The following GART variants were observed in gnomAD, a reference collection of about 807,000 sequenced individuals.
GART encodes the protein phosphoribosylglycinamide formyltransferase, phosphoribosylglycinamide synthetase, phosphoribosylaminoimidazole synthetase.
In GART, 43 loss-of-function variants were observed where a neutral mutation model predicts 107.2. The ratio of observed to expected loss-of-function variants is 0.40; its 90% CI spans 0.31 to 0.52. The LOEUF is 0.52. Ranked by LOEUF, GART falls within the 20% of genes least tolerant of loss-of-function variation. GART has a pLI of 0.52. For synonymous variants in GART, 434 were observed against 427.0 expected, an observed-to-expected ratio of 1.02 and a Z score of -0.20; for missense variants, 1,107 against 1,206.5, an observed-to-expected ratio of 0.92 and a Z score of 1.22.
Position 33,506,027 on chromosome 21 carries a change from TG to T in GART, c.2529del (p.Asn843LysfsTer5). On this transcript the variant is annotated frameshift_variant, in exon 19 of 22. Coordinates refer to ENST00000381815, the MANE Select transcript of GART (RefSeq NM_000819.5). LOFTEE classifies it high-confidence loss of function. ...SSAQIDIVIS[N>X]KAAVAGLDKA... is the part of the protein sequence containing the mutation. The stretch of plus-strand genomic sequence containing the variant: ...TTATCTAACCCAGCTACTGCGGCTT[TG>T]TTGGAGATAACAATATCAATTTGTG... 6.2e-7 allele frequency: 1 copy of T among 1,614,246 alleles called. No individual in the cohort carries two copies. Among genetic ancestry groups the T allele is most frequent in the Non-Finnish European group, 8.5e-7 (1 of 1,180,038 alleles).
At chr21:33,539,423 T>A in intron 1 of GART, 67 bp from the exon 2 acceptor site, 2 of 1,256,430 alleles carry the variant, frequency 1.6e-6, no homozygotes, top group Non-Finnish European at 2.2e-6. Flanking sequence ...ACGGGCACAG[T>A]GGCTCATGCC....
At chr21:33,542,803 GCC>G, upstream of GART, 1 of 477,402 alleles carries the variant, frequency 2.1e-6, no homozygotes, top group South Asian at 2.5e-5. Flanking sequence ...GGACACGGTC[GCC>G]TCAAGAGAGA....
At chr21:33,531,144 T>C (rs1036867864) in intron 6 of GART, 1 of 387,134 alleles carries the variant, frequency 2.6e-6, no homozygotes, top group Non-Finnish European at 4.5e-6. Context: ...ATTTCAACCT[T>C]TCCCCCACTT....
intron 10 of GART, among the ~76,000 whole-genome samples, chr21:33,527,045 T>C (rs750283234): frequency 2.6e-5 from 4 of 152,210 alleles, no homozygotes; most frequent in Non-Finnish European, 2.9e-5. Flanking sequence ...TATACACTTG[T>C]TACTTCAATC....
chr21:33,509,709 CA>C, intron 18 of GART, 73 bp downstream of exon 18: 1 of 1,489,932 alleles, frequency 6.7e-7, no homozygotes, highest in Non-Finnish European at 9.2e-7. Context: ...AGTAACCTTA[CA>C]ATCTCACAAG....
At chr21:33,516,397 A>G (rs12626309) in intron 16 of GART, among the ~76,000 whole-genome samples, 1 of 152,008 alleles carries the variant, frequency 6.6e-6, no homozygotes, top group African/African-American at 2.4e-5. Context: ...TCTCTTGGCT[A>G]TAACTATTAC....
At chr21:33,536,708 C>T (rs2085311987) in intron 2 of GART, among the ~76,000 whole-genome samples, 1 of 152,140 alleles carries the variant, frequency 6.6e-6, no homozygotes, top group Non-Finnish European at 1.5e-5. Context: ...ACAGGGTTAC[C>T]TGAACACATG....
chr21:33,525,713 G>A (rs2085060655), intron 10 of GART, among the ~76,000 whole-genome samples: 1 of 152,066 alleles, frequency 6.6e-6, no homozygotes, highest in Non-Finnish European at 1.5e-5. Flanking sequence ...ATAGTAATTA[G>A]ACCTTTCTCC....
intron 20 of GART, among the ~76,000 whole-genome samples, chr21:33,505,193 C>T (rs895910864): frequency 2.0e-5 from 3 of 152,106 alleles, no homozygotes; most frequent in Non-Finnish European, 2.9e-5. Flanking sequence ...TTGGGATATA[C>T]GGAATCACTC....
At chr21:33,512,040 C>T (rs1162127794) in intron 16 of GART, among the ~76,000 whole-genome samples, 2 of 151,970 alleles carry the variant, frequency 1.3e-5, no homozygotes, top group East Asian at 3.9e-4. Context: ...AATCCCAACA[C>T]TTTGAGAGGC....
At chr21:33,526,748 G>A (rs564243396) in intron 10 of GART, among the ~76,000 whole-genome samples, 52 of 152,148 alleles carry the variant, frequency 3.4e-4, no homozygotes, top group Non-Finnish European at 6.9e-4. Context: ...CTCAGATACA[G>A]CTTTATAGTT....
At chr21:33,515,523 C>T (rs1471688501) in intron 16 of GART, among the ~76,000 whole-genome samples, 2 of 151,792 alleles carry the variant, frequency 1.3e-5, no homozygotes, top group African/African-American at 4.8e-5. Context: ...ACCTGTAGTC[C>T]CAGCTACTTG....
intron 11 of GART, among the ~76,000 whole-genome samples, chr21:33,523,361 C>T (rs1289088617): frequency 6.6e-6 from 1 of 152,218 alleles, no homozygotes; most frequent in Non-Finnish European, 1.5e-5. Flanking sequence ...AAAACCTTTT[C>T]TCCAGTAGCA....
intron 14 of GART, 99 bp from the exon 15 acceptor site, chr21:33,517,707 G>A: frequency 1.7e-6 from 2 of 1,157,612 alleles, no homozygotes; most frequent in Non-Finnish European, 1.2e-6. Flanking sequence ...CTAACACATG[G>A]CTATGTCCTG....
Position 33,517,615 on chromosome 21 carries a change from G to A in GART, c.1703-7C>T, listed in dbSNP as rs1569018199. On this transcript the variant is annotated splice_region_variant and splice_polypyrimidine_tract_variant and intron_variant, in intron 14 of 21. Coordinates refer to ENST00000381815, the MANE Select transcript of GART (RefSeq NM_000819.5). Reference sequence around the variant, plus strand: ...ATTTCTGCTGTTTCACCTCCTGGTGGGATAAGACAAGAACAAAGAAATCAG... The same window carrying A: ...ATTTCTGCTGTTTCACCTCCTGGTGAGATAAGACAAGAACAAAGAAATCAG... The A allele has an allele frequency of 4.3e-6, 7 of 1,613,896 alleles. No individual in the cohort carries two copies. The highest frequency in any genetic ancestry group is 5.9e-6 in the Non-Finnish European group (7 of 1,179,836).
chr21:33,514,902 C>G (rs771870673), intron 16 of GART, among the ~76,000 whole-genome samples: 3 of 152,184 alleles, frequency 2.0e-5, no homozygotes, highest in Non-Finnish European at 2.9e-5. Context: ...CACAACCTAC[C>G]TCTGACTCTT....
chr21:33,532,576 T>C, intron 4 of GART, 120 bp from the exon 5 acceptor site: 1 of 734,680 alleles, frequency 1.4e-6, no homozygotes, highest in Admixed American at 2.4e-5. Flanking sequence ...AGAAAAAAAT[T>C]AATTATCATT....
At chr21:33,524,175 C>T in intron 11 of GART, 1 of 984,756 alleles carries the variant, frequency 1.0e-6, no homozygotes, top group Non-Finnish European at 1.2e-6. Context: ...AGTTAGATGA[C>T]CAGTATTCTC....
At chr21:33,510,066 G>T in intron 17 of GART, 146 bp from the exon 18 acceptor site, 1 of 696,398 alleles carries the variant, frequency 1.4e-6, no homozygotes, top group Non-Finnish European at 2.3e-6. Flanking sequence ...CAACACATTT[G>T]TATCACTTAA....
Sources: gnomAD v4.1 joint callset for allele counts (sites outside exome capture counted in the v4.1 genomes callset) on GRCh38, gnomAD v4.1.1 for gene constraint, MANE v1.5 for transcripts, NCBI Gene and HGNC (gene_info 2026-07-23, HGNC 2026-07-21) for gene names.